The following MKNK1 variants were observed in gnomAD, a reference collection of about 807,000 sequenced individuals.
MKNK1 encodes the protein MAP kinase-interacting serine/threonine-protein kinase 1.
Under a neutral mutation model 49.3 loss-of-function variants are expected in MKNK1, and 30 were observed. The observed-to-expected ratio is 0.61, with a 90% CI of 0.46 to 0.83. MKNK1 has a LOEUF of 0.83. Among genes scored for constraint, MKNK1 ranks in the 40% least tolerant of loss-of-function variants. The pLI, the probability that MKNK1 is intolerant of heterozygous loss-of-function variation, is 0.00. For missense variants in MKNK1, 423 were observed against 524.7 expected, an observed-to-expected ratio of 0.81 and a Z score of 1.89; for synonymous variants, 176 against 201.7, an observed-to-expected ratio of 0.87 and a Z score of 1.08.
At chr1:46,599,153 T>A (rs1036989313) in intron 1 of MKNK1, among the ~76,000 whole-genome samples, 1 of 152,224 alleles carries the variant, frequency 6.6e-6, no homozygotes, top group Non-Finnish European at 1.5e-5. Context: ...CATAACTGGC[T>A]GCAGGAGGGA....
intron 7 of MKNK1, chr1:46,569,215 G>A (rs190260889): frequency 1.3e-5 from 2 of 152,340 alleles, no homozygotes; most frequent in Non-Finnish European, 2.9e-5. Context: ...GAGCCACCTC[G>A]CTAGGCCCAC....
At chr1:46,603,128 AT>A (rs1391633035) in intron 1 of MKNK1, among the ~76,000 whole-genome samples, 1 of 152,220 alleles carries the variant, frequency 6.6e-6, no homozygotes, top group Non-Finnish European at 1.5e-5. Context: ...TCAGTTCCAT[AT>A]AAAACCCAAC....
chr1:46,562,014 C>G (rs1212817242), intron 10 of MKNK1, among the ~76,000 whole-genome samples: 2 of 152,196 alleles, frequency 1.3e-5, no homozygotes, highest in African/African-American at 4.8e-5. Flanking sequence ...GACACTCCAG[C>G]TATTTCATGT....
intron 1 of MKNK1, among the ~76,000 whole-genome samples, chr1:46,597,110 G>T (rs1294237180): frequency 6.6e-6 from 1 of 152,056 alleles, no homozygotes; most frequent in East Asian, 1.9e-4. Flanking sequence ...CTGGTATAGG[G>T]CTGGGGTGGG....
At chr1:46,562,605 A>G (rs1557825958) in intron 10 of MKNK1, 44 bp downstream of exon 10, 1 of 1,524,970 alleles carries the variant, frequency 6.6e-7, no homozygotes, top group East Asian at 2.5e-5. Flanking sequence ...AACCACACTG[A>G]CCCCTAGCAG....
intron 5 of MKNK1, chr1:46,576,334 ATTC>A: frequency 2.2e-6 from 1 of 450,756 alleles, no homozygotes; most frequent in South Asian, 2.6e-5. Flanking sequence ...CAGATAGTTC[ATTC>A]TTCTAACTTG....
At chr1:46,567,408 T>G (rs1481243553) in intron 8 of MKNK1, among the ~76,000 whole-genome samples, 1 of 152,212 alleles carries the variant, frequency 6.6e-6, no homozygotes, top group African/African-American at 2.4e-5. Flanking sequence ...AATAATAGTA[T>G]CTACCTCATG....
chr1:46,571,743 A>C (rs1336892710), intron 7 of MKNK1, among the ~76,000 whole-genome samples: 1 of 152,206 alleles, frequency 6.6e-6, no homozygotes, highest in East Asian at 1.9e-4. Context: ...CACGATAAGA[A>C]TCTAAGAAAA....
intron 1 of MKNK1, among the ~76,000 whole-genome samples, chr1:46,603,206 G>A (rs1674976906): frequency 6.6e-6 from 1 of 152,174 alleles, no homozygotes; most frequent in African/African-American, 2.4e-5. Flanking sequence ...TAAGGAGAGT[G>A]GGCTGAAAGC....
At chr1:46,585,757 T>C (rs1672467521) in intron 2 of MKNK1, 8 of 556,500 alleles carry the variant, frequency 1.4e-5, no homozygotes, top group Non-Finnish European at 2.1e-5. Flanking sequence ...CAATTTATAC[T>C]TGGTCTTTAC....
chr1:46,579,946 A>G (rs1671502956), intron 4 of MKNK1, among the ~76,000 whole-genome samples: 1 of 152,120 alleles, frequency 6.6e-6, no homozygotes, highest in African/African-American at 2.4e-5. Flanking sequence ...TTAGTTTTTA[A>G]TCCTCACTAT....
intron 2 of MKNK1, chr1:46,585,920 G>A (rs756534032): frequency 2.9e-6 from 4 of 1,365,812 alleles, no homozygotes; most frequent in Non-Finnish European, 3.9e-6. Flanking sequence ...ACGCCAGAAG[G>A]GACAAATGGT....
intron 3 of MKNK1, among the ~76,000 whole-genome samples, chr1:46,581,455 A>G (rs1484582347): frequency 3.7e-5 from 5 of 136,692 alleles, no homozygotes; most frequent in Admixed American, 1.7e-4. Context: ...GGTTGTAGTG[A>G]GCCAAGATCG....
At chr1:46,560,166 G>T in intron 12 of MKNK1, 68 bp downstream of exon 12, 1 of 1,568,162 alleles carries the variant, frequency 6.4e-7, no homozygotes, top group Non-Finnish European at 8.8e-7. Flanking sequence ...GGGCTCCCCC[G>T]GCCCCCACCC....
chr1:46,597,805 A>C (rs559855892), intron 1 of MKNK1, among the ~76,000 whole-genome samples: 1 of 152,348 alleles, frequency 6.6e-6, no homozygotes, highest in Non-Finnish European at 1.5e-5. Context: ...AAACAGCTGA[A>C]GTTATTCTTC....
chr1:46,601,010 G>A (rs1453986788), intron 1 of MKNK1, among the ~76,000 whole-genome samples: 1 of 151,922 alleles, frequency 6.6e-6, no homozygotes, highest in Non-Finnish European at 1.5e-5. Context: ...TCTGCCTTCT[G>A]GGTTCAAGCG....
At chr1:46,586,282 G>A (rs981941630) in intron 2 of MKNK1, 4 of 292,548 alleles carry the variant, frequency 1.4e-5, no homozygotes, top group South Asian at 6.7e-5. Context: ...AAGCCGGCTC[G>A]ATAGTCCCAA....
chr1:46,583,954 G>C (rs11211315), intron 2 of MKNK1, among the ~76,000 whole-genome samples: 6,306 of 152,308 alleles, frequency 0.041, 165 homozygotes, highest in African/African-American at 0.079. Flanking sequence ...TCCTCCATCG[G>C]AAGGGCTGCA....
chr1:46,598,111 A>G (rs1227630806), intron 1 of MKNK1, among the ~76,000 whole-genome samples: 2 of 152,240 alleles, frequency 1.3e-5, no homozygotes, highest in Non-Finnish European at 2.9e-5. Context: ...AAAATGGAAC[A>G]AGAAGAAATG....
Sources: gnomAD v4.1 joint callset for allele counts (sites outside exome capture counted in the v4.1 genomes callset) on GRCh38, gnomAD v4.1.1 for gene constraint, MANE v1.5 for transcripts, NCBI Gene and HGNC (gene_info 2026-07-23, HGNC 2026-07-21) for gene names.